The following SMURF1 variants were observed in gnomAD, a reference collection of about 807,000 sequenced individuals.
SMURF1 encodes E3 ubiquitin-protein ligase SMURF1.
A neutral mutation model predicts 98.0 loss-of-function variants in SMURF1; 44 were observed. The observed-to-expected ratio is 0.45, with a 90% CI of 0.35 to 0.58. The LOEUF is 0.58. SMURF1 is among the 20% of genes least tolerant of loss of function. SMURF1 has a pLI of 0.00. For missense variants in SMURF1, 687 were observed against 938.4 expected, an observed-to-expected ratio of 0.73 and a Z score of 3.50; for synonymous variants, 396 against 374.9, an observed-to-expected ratio of 1.06 and a Z score of -0.65.
chr7:99,092,197 A>C (rs115440331), intron 1 of SMURF1, among the ~76,000 whole-genome samples: 1 of 152,314 alleles, frequency 6.6e-6, no homozygotes, highest in Non-Finnish European at 1.5e-5. Context: ...CGAGGACTCA[A>C]AGGTCTGGCA....
intron 1 of SMURF1, among the ~76,000 whole-genome samples, chr7:99,071,398 T>C (rs1267458590): frequency 2.0e-5 from 3 of 152,184 alleles, no homozygotes; most frequent in African/African-American, 4.8e-5. Flanking sequence ...AACAAAGCTC[T>C]CATGAAGGAA....
At chr7:99,042,592 A>C (rs1416185933) in intron 11 of SMURF1, among the ~76,000 whole-genome samples, 2 of 152,176 alleles carry the variant, frequency 1.3e-5, no homozygotes, top group African/African-American at 2.4e-5. Context: ...TTATTTTCTG[A>C]ATTTCTTTAA....
chr7:99,103,396 A>G (rs1797132462), intron 1 of SMURF1, among the ~76,000 whole-genome samples: 1 of 152,200 alleles, frequency 6.6e-6, no homozygotes, highest in Non-Finnish European at 1.5e-5. Flanking sequence ...TAAAATGAAT[A>G]CCATTTTGCT....
intron 13 of SMURF1, among the ~76,000 whole-genome samples, chr7:99,040,083 T>C (rs908884604): frequency 6.6e-6 from 1 of 152,082 alleles, no homozygotes; most frequent in Non-Finnish European, 1.5e-5. Flanking sequence ...CCCAACATCA[T>C]GAGGAAAATA....
intron 1 of SMURF1, among the ~76,000 whole-genome samples, chr7:99,104,668 G>A (rs780543568): frequency 4.6e-5 from 7 of 152,218 alleles, no homozygotes; most frequent in African/African-American, 7.2e-5. Context: ...TTTAAGGGCT[G>A]CAATTATTCC....
intron 1 of SMURF1, among the ~76,000 whole-genome samples, chr7:99,076,310 C>T (rs527346192): frequency 3.2e-4 from 48 of 152,344 alleles, no homozygotes; most frequent in African/African-American, 1.1e-3. Flanking sequence ...CTGACGAACA[C>T]CATCTCAGCC....
chr7:99,034,886 T>TATCA (rs1422185910), intron 16 of SMURF1, among the ~76,000 whole-genome samples: 1 of 152,206 alleles, frequency 6.6e-6, no homozygotes, highest in Non-Finnish European at 1.5e-5. Flanking sequence ...TCTGTGTGTC[T>TATCA]ATCAGCATTT....
chr7:99,034,792 G>T (rs1795068207), intron 16 of SMURF1, among the ~76,000 whole-genome samples: 1 of 152,172 alleles, frequency 6.6e-6, no homozygotes, highest in African/African-American at 2.4e-5. Flanking sequence ...AGATGCAGGT[G>T]CCCTGATGGC....
At chr7:99,139,898 A>G (rs1414824545) in intron 1 of SMURF1, among the ~76,000 whole-genome samples, 1 of 152,222 alleles carries the variant, frequency 6.6e-6, no homozygotes, top group Non-Finnish European at 1.5e-5. Context: ...CACATGAAGA[A>G]ATAAAGTCAT....
At chr7:99,113,837 T>TCAAAAAA (rs1491167294) in intron 1 of SMURF1, among the ~76,000 whole-genome samples, 1 of 33,950 alleles carries the variant, frequency 2.9e-5, no homozygotes, top group African/African-American at 1.5e-4. Context: ...AGACTCCGTC[T>TCAAAAAA]AAAAAAAAAA....
At chr7:99,033,288 C>G in intron 16 of SMURF1, among the ~76,000 whole-genome samples, 167 bp from the exon 17 acceptor site, 1 of 152,170 alleles carries the variant, frequency 6.6e-6, no homozygotes, top group African/African-American at 2.4e-5. Flanking sequence ...TAGGACATGC[C>G]TGCAATGGCT....
intron 1 of SMURF1, among the ~76,000 whole-genome samples, chr7:99,139,163 A>G (rs1798058455): frequency 1.3e-5 from 2 of 152,234 alleles, no homozygotes; most frequent in Non-Finnish European, 2.9e-5. Context: ...CAATTGAGAC[A>G]CCTGTAATTC....
intron 1 of SMURF1, among the ~76,000 whole-genome samples, chr7:99,116,400 G>A (rs1797454758): frequency 6.6e-6 from 1 of 152,088 alleles, no homozygotes; most frequent in Non-Finnish European, 1.5e-5. Context: ...TAAGGTATCT[G>A]GATTGGAATG....
chr7:99,119,285 C>T (rs981963095), intron 1 of SMURF1, among the ~76,000 whole-genome samples: 1 of 151,948 alleles, frequency 6.6e-6, no homozygotes, highest in Non-Finnish European at 1.5e-5. Context: ...AAAGGCCAGG[C>T]GTGAAGAGAT....
chr7:99,109,265 C>T (rs144023275), intron 1 of SMURF1, among the ~76,000 whole-genome samples: 13 of 152,272 alleles, frequency 8.5e-5, no homozygotes, highest in Admixed American at 1.3e-4. Context: ...GTGCCAGCCT[C>T]GCCACACCCC....
chr7:99,064,051 A>G (rs1404820141), intron 1 of SMURF1, among the ~76,000 whole-genome samples: 2 of 152,176 alleles, frequency 1.3e-5, no homozygotes, highest in Admixed American at 6.5e-5. Context: ...GCCTTTGTCT[A>G]TTGATACGGT....
chr7:99,062,772 CGGGA>C (rs1054545236), intron 1 of SMURF1, among the ~76,000 whole-genome samples: 6 of 152,008 alleles, frequency 3.9e-5, no homozygotes, highest in Admixed American at 1.3e-4. Flanking sequence ...CACTTAAACC[CGGGA>C]GGCAGAGGTT....
rs560145228 is a variant in SMURF1, at chr7:99,100,424, G to A, written c.56-38587C>T. ...ACAAAAATTAGCTGGGCATGGTGGCGGGCGCCTATAATCCCAGCTACTCAG... is the reference window on the plus strand; with the variant it reads ...ACAAAAATTAGCTGGGCATGGTGGCAGGCGCCTATAATCCCAGCTACTCAG... On this transcript the variant is annotated intron_variant, in intron 1 of 17. Coordinates refer to ENST00000361368, the MANE Select transcript of SMURF1 (RefSeq NM_181349.3). Among the ~76,000 whole-genome samples, 259 of 152,204 alleles carry A rather than the reference G, an allele frequency of 1.7e-3. 1 individual carries two copies. The highest frequency in any genetic ancestry group is 2.8e-3 in the Non-Finnish European group (192 of 68,024).
intron 3 of SMURF1, among the ~76,000 whole-genome samples, chr7:99,060,341 C>A (rs560047099): frequency 6.8e-6 from 1 of 146,596 alleles, no homozygotes; most frequent in South Asian, 2.1e-4. Flanking sequence ...ATCACGCCAC[C>A]GCACTCCAGC....
Sources: gnomAD v4.1 joint callset for allele counts (sites outside exome capture counted in the v4.1 genomes callset) on GRCh38, gnomAD v4.1.1 for gene constraint, MANE v1.5 for transcripts, NCBI Gene and HGNC (gene_info 2026-07-23, HGNC 2026-07-21) for gene names.